Variants in KCNAB1 observed in about 807,000 individuals in gnomAD.
The protein encoded by KCNAB1 is voltage-gated potassium channel subunit beta-1.
In KCNAB1, 35 loss-of-function variants were observed where a neutral mutation model predicts 64.6. That is an observed-to-expected ratio of 0.54 (90% CI 0.41 to 0.72). The LOEUF is 0.72. Ranked by LOEUF, KCNAB1 falls within the 30% of genes least tolerant of loss-of-function variation. KCNAB1 has a pLI of 0.00. For synonymous variants in KCNAB1, 177 were observed against 183.8 expected (o/e 0.96, Z 0.30); for missense variants, 401 against 512.9 (o/e 0.78, Z 2.11).
chr3:156,357,167 A>C (rs1209540298), intron 1 of KCNAB1, among the ~76,000 whole-genome samples: 1 of 151,778 alleles, frequency 6.6e-6, no homozygotes, highest in East Asian at 1.9e-4. Context: ...GCGCACACAC[A>C]CACACACACA....
chr3:156,393,262 C>T (rs893595741), intron 1 of KCNAB1, among the ~76,000 whole-genome samples: 5 of 152,168 alleles, frequency 3.3e-5, no homozygotes, highest in African/African-American at 9.7e-5. Flanking sequence ...CATGGCTGAA[C>T]TTATTTGTAA....
At chr3:156,272,488 T>C (rs1397031091) in intron 1 of KCNAB1, among the ~76,000 whole-genome samples, 1 of 152,108 alleles carries the variant, frequency 6.6e-6, no homozygotes, top group Non-Finnish European at 1.5e-5. Flanking sequence ...TGTTCACCAC[T>C]ACCACGGCCC....
chr3:156,305,340 C>T (rs564314071), intron 1 of KCNAB1, among the ~76,000 whole-genome samples: 4 of 152,230 alleles, frequency 2.6e-5, no homozygotes, highest in African/African-American at 4.8e-5. Flanking sequence ...AGTCCTAGCA[C>T]GGTGGCTTGG....
At chr3:156,374,906 G>A (rs1438037534) in intron 1 of KCNAB1, among the ~76,000 whole-genome samples, 2 of 135,894 alleles carry the variant, frequency 1.5e-5, no homozygotes, top group East Asian at 1.9e-4. Context: ...ATTAATAGAC[G>A]TGAGTTCTCA....
intron 1 of KCNAB1, among the ~76,000 whole-genome samples, chr3:156,258,408 G>A (rs1024077540): frequency 6.6e-6 from 1 of 152,112 alleles, no homozygotes; most frequent in African/African-American, 2.4e-5. Context: ...ATCATGTACT[G>A]TCATCTAGTC....
chr3:156,361,466 A>G (rs1371626215), intron 1 of KCNAB1, among the ~76,000 whole-genome samples: 1 of 151,968 alleles, frequency 6.6e-6, no homozygotes, highest in African/African-American at 2.4e-5. Flanking sequence ...GTGTGTGTAT[A>G]TATGTGTATG....
intron 6 of KCNAB1, 118 bp downstream of exon 6, chr3:156,463,864 T>G (rs28483959): frequency 0.03 from 17,278 of 580,800 alleles, 1,704 homozygotes; most frequent in African/African-American, 0.26. Context: ...GGGTTTTTTG[T>G]TTTTTTTTTG....
intron 1 of KCNAB1, among the ~76,000 whole-genome samples, chr3:156,158,164 C>CAAAAAAAAAAAA (rs1324815125): frequency 2.3e-5 from 1 of 42,870 alleles, no homozygotes; most frequent in Non-Finnish European, 4.9e-5. Context: ...AACTCTGTCT[C>CAAAAAAAAAAAA]AAAAAAAAAA....
At chr3:156,447,951 A>G (rs146023567) in intron 2 of KCNAB1, among the ~76,000 whole-genome samples, 1 of 152,354 alleles carries the variant, frequency 6.6e-6, no homozygotes, top group Admixed American at 6.5e-5. Context: ...TGTTTTTTGA[A>G]TGAGTACGCA....
chr3:156,274,721 G>A (rs1719242930), intron 1 of KCNAB1, among the ~76,000 whole-genome samples: 2 of 152,258 alleles, frequency 1.3e-5, no homozygotes, highest in South Asian at 4.1e-4. Flanking sequence ...CAGATTTATC[G>A]TGGTATAATT....
chr3:156,505,808 G>A (rs992261461), intron 8 of KCNAB1, among the ~76,000 whole-genome samples: 2 of 152,144 alleles, frequency 1.3e-5, no homozygotes, highest in Non-Finnish European at 2.9e-5. Flanking sequence ...AAGGCTAAGA[G>A]GGGGAGAGGG....
chr3:156,344,352 C>T (rs1021143592), intron 1 of KCNAB1, among the ~76,000 whole-genome samples: 5 of 152,186 alleles, frequency 3.3e-5, no homozygotes, highest in African/African-American at 1.2e-4. Flanking sequence ...CTTCTCTCCT[C>T]GCCTGCCGAG....
At chr3:156,370,642 G>A (rs1326517116) in intron 1 of KCNAB1, among the ~76,000 whole-genome samples, 1 of 152,206 alleles carries the variant, frequency 6.6e-6, no homozygotes, top group Non-Finnish European at 1.5e-5. Context: ...AGAAGTCAAA[G>A]GGTTGGCTCC....
rs182295401 is a variant in KCNAB1, at chr3:156,216,800, A to C, written c.275+95914A>C. ...GATGAGGAAATTGACTCTCAAAGAA[A>C]TTGAGAAAATTGCTGCCAGTTGCCC... On this transcript the variant is annotated intron_variant, in intron 1 of 13. Transcript: ENST00000490337. The C allele has an allele frequency of 4.6e-5, 7 of 152,274 alleles. 1 individual carries two copies. The East Asian group carries it at 1.4e-3, about 29-fold the overall frequency. The allele number at this position is 152,274 out of a possible 1,614,324, so 9.4% of individuals were successfully genotyped here.
intron 1 of KCNAB1, among the ~76,000 whole-genome samples, chr3:156,165,303 A>AG (rs1711514498): frequency 1.3e-5 from 2 of 151,408 alleles, no homozygotes; most frequent in African/African-American, 4.8e-5. Flanking sequence ...AAAAAAAAAA[A>AG]AAGAAAGCAA....
At chr3:156,442,994 T>C (rs1230555510) in intron 2 of KCNAB1, among the ~76,000 whole-genome samples, 5 of 152,174 alleles carry the variant, frequency 3.3e-5, no homozygotes, top group African/African-American at 1.2e-4. Context: ...TATGGAGTTC[T>C]TCATCTAGAC....
At chr3:156,287,175 A>T (rs1720141454) in intron 1 of KCNAB1, among the ~76,000 whole-genome samples, 1 of 152,094 alleles carries the variant, frequency 6.6e-6, no homozygotes, top group Non-Finnish European at 1.5e-5. Context: ...CTGGCATAGG[A>T]GTTATGTAGC....
At chr3:156,513,627 A>G (rs1288719237) in intron 8 of KCNAB1, among the ~76,000 whole-genome samples, 1 of 152,182 alleles carries the variant, frequency 6.6e-6, no homozygotes. Context: ...GCTCAGCTCC[A>G]TCCTCTGGGG....
chr3:156,174,356 C>G (rs1010291739), intron 1 of KCNAB1, among the ~76,000 whole-genome samples: 2 of 152,176 alleles, frequency 1.3e-5, no homozygotes, highest in Non-Finnish European at 2.9e-5. Context: ...GGGCTACATG[C>G]AGAGCTTATA....
Sources: allele counts gnomAD v4.1 joint callset (sites outside exome capture counted in the v4.1 genomes callset), GRCh38; gene constraint gnomAD v4.1.1; transcripts MANE v1.5; gene names NCBI Gene and HGNC (gene_info 2026-07-23, HGNC 2026-07-21).